The following JAK2 variants were observed in gnomAD, a reference collection of about 807,000 sequenced individuals.
JAK2 encodes the protein Janus kinase 2.
In JAK2, 86 loss-of-function variants were observed where a neutral mutation model predicts 139.3. The ratio of observed to expected loss-of-function variants is 0.62; its 90% CI spans 0.52 to 0.74. The LOEUF (loss-of-function observed/expected upper bound fraction) is 0.74. Among genes scored for constraint, JAK2 ranks in the 30% least tolerant of loss-of-function variants. The probability of loss-of-function intolerance (pLI) is 0.00; values close to 1 mark genes in which losing one functional copy is unlikely to be tolerated. For synonymous variants in JAK2, 490 were observed against 437.7 expected, an observed-to-expected ratio of 1.12 and a Z score of -1.49; for missense variants, 1,421 against 1,360.3, an observed-to-expected ratio of 1.04 and a Z score of -0.70.
intron 22 of JAK2, among the ~76,000 whole-genome samples, chr9:5,104,598 A>T (rs1209707598): frequency 6.6e-6 from 1 of 152,156 alleles, no homozygotes; most frequent in Non-Finnish European, 1.5e-5. Flanking sequence ...CCTAGCAGAG[A>T]CACCACAAAA....
chr9:5,102,641 G>A (rs1255445263), intron 22 of JAK2, among the ~76,000 whole-genome samples: 1 of 152,196 alleles, frequency 6.6e-6, no homozygotes, highest in Non-Finnish European at 1.5e-5. Flanking sequence ...GGCAGCCAGA[G>A]AGAAATGTCG....
chr9:5,060,999 C>G (rs897180592), intron 8 of JAK2, among the ~76,000 whole-genome samples: 4 of 152,142 alleles, frequency 2.6e-5, no homozygotes, highest in African/African-American at 7.2e-5. Flanking sequence ...GCTTGGGTGA[C>G]CAGGTGCGTT....
intron 2 of JAK2, among the ~76,000 whole-genome samples, chr9:5,021,336 C>T (rs982184632): frequency 6.6e-6 from 1 of 152,182 alleles, no homozygotes; most frequent in African/African-American, 2.4e-5. Flanking sequence ...TTCTGGACCC[C>T]TCTTCCCCCA....
At chr9:5,106,705 A>T (rs1821987037) in intron 22 of JAK2, among the ~76,000 whole-genome samples, 1 of 152,202 alleles carries the variant, frequency 6.6e-6, no homozygotes, top group African/African-American at 2.4e-5. Context: ...TATCCCAAGG[A>T]ATACTATGCA....
chr9:5,100,232 C>T (rs1479982637), intron 22 of JAK2: 1 of 152,174 alleles, frequency 6.6e-6, no homozygotes, highest in Non-Finnish European at 1.5e-5. Context: ...TATGACAACA[C>T]ATAATGACCC....
At chr9:4,998,769 C>G (rs1820748940) in intron 2 of JAK2, among the ~76,000 whole-genome samples, 1 of 151,672 alleles carries the variant, frequency 6.6e-6, no homozygotes, top group Admixed American at 6.6e-5. Context: ...AAAACCAAAA[C>G]CAGAAAAGGG....
intron 22 of JAK2, among the ~76,000 whole-genome samples, chr9:5,092,024 C>T (rs1018738263): frequency 2.6e-5 from 4 of 151,920 alleles, no homozygotes; most frequent in African/African-American, 7.3e-5. Flanking sequence ...TGAGTTAATT[C>T]GGAGAGGATT....
intron 5 of JAK2, among the ~76,000 whole-genome samples, chr9:5,045,468 T>C (rs1816938910): frequency 6.6e-6 from 1 of 152,214 alleles, no homozygotes; most frequent in Admixed American, 6.5e-5. Flanking sequence ...TTCAGTTGTA[T>C]TAAGTACAAA....
At chr9:5,035,285 G>C (rs1823495733) in intron 4 of JAK2, among the ~76,000 whole-genome samples, 1 of 152,196 alleles carries the variant, frequency 6.6e-6, no homozygotes, top group Non-Finnish European at 1.5e-5. Flanking sequence ...TGGATTCACA[G>C]CTGAATTCTA....
intron 22 of JAK2, among the ~76,000 whole-genome samples, chr9:5,120,561 G>A (rs879882309): frequency 4.6e-5 from 7 of 152,172 alleles, no homozygotes; most frequent in Non-Finnish European, 1.0e-4. Context: ...CTGCTTAAAT[G>A]TTGTAAAAAA....
At chr9:5,033,650 T>C (rs992525343) in intron 4 of JAK2, among the ~76,000 whole-genome samples, 1 of 152,118 alleles carries the variant, frequency 6.6e-6, no homozygotes, top group African/African-American at 2.4e-5. Flanking sequence ...AAGCTTCATA[T>C]GTGAAGGAGA....
intron 2 of JAK2, among the ~76,000 whole-genome samples, chr9:5,020,078 C>T (rs1305551201): frequency 6.6e-6 from 1 of 152,090 alleles, no homozygotes; most frequent in African/African-American, 2.4e-5. Flanking sequence ...AGTGGGTCCA[C>T]AGGCCCCTGG....
At chr9:5,077,345 T>TA in intron 14 of JAK2, 108 bp from the exon 15 acceptor site, 1 of 386,446 alleles carries the variant, frequency 2.6e-6, no homozygotes, top group Non-Finnish European at 4.3e-6. Flanking sequence ...TTTGCCAATT[T>TA]AATTTCTTTA....
rs181020356 is a variant in JAK2, at chr9:5,074,259, C to G, written c.1864+474C>G. ...CACAGAAACTACTAAAAGTATAAATCGTACCCCATGCTTTAATACTATACA... is the reference window on the plus strand; with the variant it reads ...CACAGAAACTACTAAAAGTATAAATGGTACCCCATGCTTTAATACTATACA... On this transcript the variant is annotated intron_variant, in intron 14 of 24. Coordinates refer to ENST00000381652, the MANE Select transcript of JAK2 (RefSeq NM_004972.4). Among the ~76,000 whole-genome samples the G allele has an allele frequency of 1.4e-4, 22 of 152,056 alleles. No individual in the cohort carries two copies. In the East Asian group the frequency reaches 3.5e-3, roughly 24 times the overall value.
chr9:5,084,999 T>C, intron 19 of JAK2: 1 of 848,520 alleles, frequency 1.2e-6, no homozygotes, highest in South Asian at 1.3e-5. Flanking sequence ...GAGTTGTCAT[T>C]TATGTCTTGT....
chr9:5,085,542 G>A lies in JAK2; in HGVS notation c.2571+3681G>A, dbSNP rs150924131. On this transcript the variant is annotated intron_variant, in intron 19 of 24. Coordinates refer to ENST00000381652, the MANE Select transcript of JAK2 (RefSeq NM_004972.4). ...CACACACCAAATCTTCAATAACTCG[G>A]GTTAAAATAGATATAACAGCTGTAT... is the stretch of plus-strand genomic sequence containing the variant. 80 of 704,708 alleles carry A rather than the reference G, an allele frequency of 1.1e-4. 1 individual carries two copies. The East Asian group carries it at 2.1e-3, about 18-fold the overall frequency. 43.7% of individuals were successfully genotyped at this position (704,708 alleles called of 1,614,324 possible).
intron 8 of JAK2, among the ~76,000 whole-genome samples, chr9:5,061,238 A>T (rs552389028): frequency 5.3e-5 from 8 of 152,224 alleles, no homozygotes; most frequent in Non-Finnish European, 7.3e-5. Context: ...CCAATGGCAT[A>T]GGCCCTTAGC....
chr9:4,996,024 T>C (rs1424769838), intron 2 of JAK2, among the ~76,000 whole-genome samples: 7 of 152,332 alleles, frequency 4.6e-5, no homozygotes, highest in African/African-American at 9.6e-5. Flanking sequence ...CATTTCATAA[T>C]GGCAATCCAT....
intron 4 of JAK2, among the ~76,000 whole-genome samples, chr9:5,032,925 G>C (rs1488411231): frequency 6.6e-6 from 1 of 152,156 alleles, no homozygotes; most frequent in African/African-American, 2.4e-5. Context: ...AGAGAAGAAG[G>C]CTTCAGACGA....
Sources: gnomAD v4.1 joint callset for allele counts (sites outside exome capture counted in the v4.1 genomes callset) on GRCh38, gnomAD v4.1.1 for gene constraint, MANE v1.5 for transcripts, NCBI Gene and HGNC (gene_info 2026-07-23, HGNC 2026-07-21) for gene names.